Variants in RBKS observed in about 807,000 individuals in gnomAD.
The protein encoded by RBKS is ribokinase.
RBKS carries 33 observed loss-of-function variants against 33.9 expected under a neutral mutation model. The ratio of observed to expected loss-of-function variants is 0.97; its 90% CI spans 0.74 to 1.30. The LOEUF is 1.30. Among genes scored for constraint, RBKS ranks in the 50% most tolerant of loss-of-function variants. The pLI is 0.00. For synonymous variants in RBKS, 125 were observed against 143.0 expected (o/e 0.87, Z 0.90); for missense variants, 361 against 392.6 (o/e 0.92, Z 0.68).
rs572545949 is a variant in RBKS at position 27,835,112 on chromosome 2, C to T, written c.515-2335G>A. Among the ~76,000 whole-genome samples the T allele has an allele frequency of 4.0e-5, 6 of 151,842 alleles. No homozygotes were observed. In the South Asian group the frequency reaches 6.2e-4, roughly 16 times the overall value. ...CCAACATGGTGAAACTCTGTCTTCA[C>T]TAAAAGTATAAAAATTAGCCAGGCA... On this transcript the variant is annotated intron_variant, in intron 5 of 7. Transcript: ENST00000302188.
At chr2:27,789,684 C>T (rs992691241) in intron 7 of RBKS, among the ~76,000 whole-genome samples, 2 of 151,934 alleles carry the variant, frequency 1.3e-5, no homozygotes, top group African/African-American at 4.8e-5. Flanking sequence ...CCTGCCTTAG[C>T]CTCCCAAGTA....
intron 5 of RBKS, among the ~76,000 whole-genome samples, chr2:27,840,392 A>C (rs1273035659): frequency 1.3e-5 from 2 of 149,100 alleles, no homozygotes; most frequent in South Asian, 2.1e-4. Flanking sequence ...ACACACACAC[A>C]CACCCTCCTC....
chr2:27,827,767 A>C lies in RBKS; in HGVS notation c.607-12T>G. 1 of 1,561,348 alleles carries C rather than the reference A, an allele frequency of 6.4e-7. No homozygotes were observed. The highest frequency in any genetic ancestry group is 8.6e-7 in the Non-Finnish European group (1 of 1,156,238). On this transcript the variant is annotated splice_polypyrimidine_tract_variant and intron_variant, in intron 6 of 7. Coordinates refer to ENST00000302188, the MANE Select transcript of RBKS (RefSeq NM_022128.3). ...GTTAAAATCTCAGCCTAGAATACAC[A>C]AAAGTCAACAGAAACAGTGGTGAAA... is the stretch of plus-strand genomic sequence containing the variant.
intron 4 of RBKS, among the ~76,000 whole-genome samples, chr2:27,843,577 G>A (rs191581233): frequency 6.6e-6 from 1 of 152,222 alleles, no homozygotes; most frequent in East Asian, 1.9e-4. Context: ...TAAAGGTTCT[G>A]AATCCTAAAT....
chr2:27,876,574 A>G (rs1664319912), intron 1 of RBKS, among the ~76,000 whole-genome samples: 1 of 152,220 alleles, frequency 6.6e-6, no homozygotes, highest in South Asian at 2.1e-4. Context: ...AACGGCAAAC[A>G]CTGCATAATT....
chr2:27,784,809 A>G (rs1677368202), intron 7 of RBKS, among the ~76,000 whole-genome samples: 1 of 152,204 alleles, frequency 6.6e-6, no homozygotes. Context: ...CTGAGTGCCT[A>G]AAATGTGTTA....
intron 1 of RBKS, among the ~76,000 whole-genome samples, chr2:27,880,078 G>C (rs1029630448): frequency 6.6e-6 from 1 of 152,176 alleles, no homozygotes; most frequent in Non-Finnish European, 1.5e-5. Context: ...AATCCACCAT[G>C]ATCAAGTAGA....
chr2:27,863,716 T>C (rs1664033280), intron 1 of RBKS, among the ~76,000 whole-genome samples: 2 of 152,244 alleles, frequency 1.3e-5, no homozygotes, highest in South Asian at 4.1e-4. Flanking sequence ...CAGAAGCCTC[T>C]ATAACAGGAG....
chr2:27,785,903 T>A (rs921337295), intron 7 of RBKS, among the ~76,000 whole-genome samples: 2 of 152,236 alleles, frequency 1.3e-5, no homozygotes, highest in Non-Finnish European at 2.9e-5. Context: ...GCTGCATTAT[T>A]TTCAAAGGCA....
intron 1 of RBKS, among the ~76,000 whole-genome samples, chr2:27,875,370 A>AGC (rs2148228733): frequency 6.6e-6 from 1 of 152,318 alleles, no homozygotes; most frequent in South Asian, 2.1e-4. Context: ...CAACATGGCG[A>AGC]GACCTTGTCT....
chr2:27,869,513 C>A (rs1664161514), intron 1 of RBKS, among the ~76,000 whole-genome samples: 1 of 152,192 alleles, frequency 6.6e-6, no homozygotes, highest in South Asian at 2.1e-4. Context: ...CTGTGCTCTA[C>A]AGCAGTGGTC....
intron 7 of RBKS, among the ~76,000 whole-genome samples, chr2:27,825,606 A>G (rs374788412): frequency 6.6e-6 from 1 of 152,222 alleles, no homozygotes; most frequent in African/African-American, 2.4e-5. Flanking sequence ...GGACAGGGAC[A>G]TGACATGAGA....
rs552980060 is a variant in RBKS, at chr2:27,837,640, T to C, written c.515-4863A>G. ...TACATATATACCATGGAATACTATG[T>C]AGCCGTAAAAAGGAATGAAATCATG... On this transcript the variant is annotated intron_variant, in intron 5 of 7. Coordinates refer to ENST00000302188, the MANE Select transcript of RBKS (RefSeq NM_022128.3). This position sits in a 1 kb window ranked among gnomAD's most constrained non-coding sequence, Gnocchi z 4.0. 5.3e-4 allele frequency among the ~76,000 whole-genome samples: 81 copies of C among 152,314 alleles called. No individual in the cohort carries two copies. Among genetic ancestry groups the C allele is most frequent in the Middle Eastern group, 3.4e-3 (1 of 294 alleles).
chr2:27,845,527 G>GAACAAC (rs5830051), intron 4 of RBKS, among the ~76,000 whole-genome samples: 3,884 of 151,218 alleles, frequency 0.026, 46 homozygotes, highest in South Asian at 0.037. Context: ...GATAGTCCTA[G>GAACAAC]AACAACAACA....
chr2:27,832,633 A>G, intron 6 of RBKS, 53 bp downstream of exon 6: 1 of 1,143,204 alleles, frequency 8.7e-7, no homozygotes, highest in Admixed American at 1.7e-5. Flanking sequence ...TGCTTTATCC[A>G]CTTGTACAAA....
intron 7 of RBKS, among the ~76,000 whole-genome samples, chr2:27,806,670 C>T (rs1677901856): frequency 6.6e-6 from 1 of 152,212 alleles, no homozygotes. Context: ...TCTAACTTTG[C>T]TCAAAAATAT....
chr2:27,781,723 C>G lies in RBKS; in HGVS notation c.861G>C (p.Leu287Phe). ...FYLAYYPNLS[L>F]EDMLNRSNFI... ...AATTGGATCTGTTGAGCATGTCTTC[C>G]AAGGACAGATTTGGATAGTAAGCCA... Residue 287 changes from leucine (L) to phenylalanine (F), a missense_variant, in exon 8 of 8, where the codon TTG becomes TTC. Coordinates refer to ENST00000302188, the MANE Select transcript of RBKS (RefSeq NM_022128.3). 6.2e-7 allele frequency: 1 copy of G among 1,614,058 alleles called. No homozygotes were observed. The highest frequency in any genetic ancestry group is 1.3e-5 in the African/African-American group (1 of 74,990).
chr2:27,809,784 A>G, intron 7 of RBKS: 1 of 432,752 alleles, frequency 2.3e-6, no homozygotes, highest in East Asian at 7.5e-5. Flanking sequence ...TGCATGCTAA[A>G]TAATACAGAG....
intron 7 of RBKS, among the ~76,000 whole-genome samples, chr2:27,797,460 A>G (rs536095177): frequency 1.3e-5 from 2 of 152,364 alleles, no homozygotes; most frequent in South Asian, 4.1e-4. Context: ...AAAGGTGGTA[A>G]ATGGCAGTTG....
Sources: allele counts gnomAD v4.1 joint callset (sites outside exome capture counted in the v4.1 genomes callset), GRCh38; gene constraint gnomAD v4.1.1; non-coding constraint Gnocchi (gnomAD v3.1); transcripts MANE v1.5; gene names NCBI Gene and HGNC (gene_info 2026-07-23, HGNC 2026-07-21).